Variants in HLCS observed in about 807,000 individuals in gnomAD.
HLCS encodes biotin--protein ligase.
HLCS carries 53 observed loss-of-function variants against 75.0 expected under a neutral mutation model. The ratio of observed to expected loss-of-function variants is 0.71; its 90% confidence interval spans 0.57 to 0.89. HLCS has a LOEUF of 0.89. Ranked by LOEUF, HLCS falls within the 40% of genes least tolerant of loss-of-function variation. The pLI is 0.00. For synonymous variants in HLCS, 431 were observed against 428.6 expected (o/e 1.01, Z -0.07); for missense variants, 966 against 1,074.0 (o/e 0.90, Z 1.41).
chr21:36,860,738 T>C (rs1017513533), intron 6 of HLCS, among the ~76,000 whole-genome samples: 1 of 152,238 alleles, frequency 6.6e-6, no homozygotes, highest in Non-Finnish European at 1.5e-5. Context: ...ACACGGCACA[T>C]CTGGTATGAT....
intron 5 of HLCS, among the ~76,000 whole-genome samples, chr21:36,924,909 A>C (rs2066333878): frequency 6.6e-6 from 1 of 152,156 alleles, no homozygotes; most frequent in South Asian, 2.1e-4. Context: ...ACGTCTGAAA[A>C]GCAGCTCCAT....
At chr21:36,789,442 T>C (rs2060792734) in intron 6 of HLCS, among the ~76,000 whole-genome samples, 1 of 152,228 alleles carries the variant, frequency 6.6e-6, no homozygotes, top group Non-Finnish European at 1.5e-5. Flanking sequence ...AGAATATGGC[T>C]TTGGGCTTGA....
At chr21:36,912,542 C>T (rs891762649) in intron 5 of HLCS, among the ~76,000 whole-genome samples, 7 of 151,508 alleles carry the variant, frequency 4.6e-5, no homozygotes, top group Admixed American at 1.3e-4. Flanking sequence ...ATTTAGGACG[C>T]TTAAAAAAAA....
chr21:36,897,157 T>G (rs1191269579), intron 5 of HLCS, 26 bp from the exon 6 acceptor site: 1 of 1,613,748 alleles, frequency 6.2e-7, no homozygotes, highest in South Asian at 1.1e-5. Context: ...AGAAATGAGA[T>G]GGTCGTAATT....
chr21:36,938,796 G>T, intron 3 of HLCS, 36 bp downstream of exon 3: 1 of 1,608,448 alleles, frequency 6.2e-7, no homozygotes, highest in Non-Finnish European at 8.5e-7. Context: ...GAGCCACTAT[G>T]CCTGGCCAAT....
rs746833675 is a variant in HLCS, at chr21:36,930,207, G to C, written c.1620+44C>G. Reference sequence around the variant, plus strand: ...AGCAACGGGTCGCCACTGTGAAGAGGGCCACGTCACAGCGCGCTCTGCCCA... The same window carrying C: ...AGCAACGGGTCGCCACTGTGAAGAGCGCCACGTCACAGCGCGCTCTGCCCA... On this transcript the variant is annotated intron_variant, in intron 5 of 10. Coordinates refer to ENST00000674895, the MANE Select transcript of HLCS (RefSeq NM_001352514.2). 23 of 1,553,304 alleles carry C rather than the reference G, an allele frequency of 1.5e-5. No homozygotes were observed. The East Asian group carries it at 4.7e-4, about 32-fold the overall frequency.
chr21:36,972,430 A>G (rs2068816489), intron 1 of HLCS, among the ~76,000 whole-genome samples: 1 of 152,144 alleles, frequency 6.6e-6, no homozygotes, highest in Non-Finnish European at 1.5e-5. Flanking sequence ...GATTACAGGC[A>G]TGTGTCGTGC....
chr21:36,857,882 C>T (rs770205996), intron 6 of HLCS, among the ~76,000 whole-genome samples: 32 of 152,054 alleles, frequency 2.1e-4, no homozygotes, highest in Non-Finnish European at 4.3e-4. Context: ...CTCTCCCTCC[C>T]AGGTTCAAGT....
At chr21:36,974,640 T>C (rs1162747365) in intron 1 of HLCS, 1 of 152,170 alleles carries the variant, frequency 6.6e-6, no homozygotes, top group Non-Finnish European at 1.5e-5. Context: ...AAAATAGTCA[T>C]TAAGGTGAAA....
chr21:36,790,431 C>A (rs1175565887), intron 6 of HLCS, among the ~76,000 whole-genome samples: 2 of 152,010 alleles, frequency 1.3e-5, no homozygotes, highest in Non-Finnish European at 2.9e-5. Context: ...AACAAAAAAA[C>A]ATTTTGGTGT....
chr21:36,922,684 C>T (rs887735766), intron 5 of HLCS, among the ~76,000 whole-genome samples: 3 of 152,150 alleles, frequency 2.0e-5, no homozygotes, highest in African/African-American at 4.8e-5. Context: ...CAGCATCGGC[C>T]GAGCTCCAGC....
intron 6 of HLCS, among the ~76,000 whole-genome samples, chr21:36,886,283 A>T (rs1459955325): frequency 6.6e-6 from 1 of 152,006 alleles, no homozygotes; most frequent in African/African-American, 2.4e-5. Context: ...TACAAAAAAA[A>T]TTAGCCGGGC....
At chr21:36,880,097 C>T (rs1388184930) in intron 6 of HLCS, among the ~76,000 whole-genome samples, 3 of 152,100 alleles carry the variant, frequency 2.0e-5, no homozygotes, top group African/African-American at 7.2e-5. Flanking sequence ...CAGTAGAAGT[C>T]AAATCCCTCA....
intron 2 of HLCS, among the ~76,000 whole-genome samples, chr21:36,944,704 T>C (rs1190570009): frequency 6.6e-6 from 1 of 152,208 alleles, no homozygotes; most frequent in African/African-American, 2.4e-5. Flanking sequence ...ATCCTGTTTT[T>C]GGGTCACCTC....
chr21:36,894,313 T>C (rs1448354976), intron 6 of HLCS, among the ~76,000 whole-genome samples: 4 of 152,332 alleles, frequency 2.6e-5, no homozygotes, highest in South Asian at 2.1e-4. Context: ...TTTATAGCAA[T>C]GCGAGAACGA....
chr21:36,855,374 T>TA (rs904147198), intron 6 of HLCS, among the ~76,000 whole-genome samples: 169 of 120,396 alleles, frequency 1.4e-3, no homozygotes, highest in Admixed American at 2.5e-3. Context: ...CTACTAAAAA[T>TA]AAAAAAAAAA....
At chr21:36,946,035 AG>A (rs1381004556) in intron 2 of HLCS, 1 of 815,394 alleles carries the variant, frequency 1.2e-6, no homozygotes, top group Non-Finnish European at 1.5e-6. Context: ...GAGCACTAAA[AG>A]GGATCATCCA....
Position 36,752,876 on chromosome 21 carries a change from G to A in HLCS, c.*1370C>T, listed in dbSNP as rs1181024455. The A allele has an allele frequency of 6.6e-6, 1 of 152,340 alleles. No individual in the cohort carries two copies. The highest frequency in any genetic ancestry group is 1.5e-5 in the Non-Finnish European group (1 of 68,036). 9.4% of individuals were successfully genotyped at this position (152,340 alleles called of 1,614,324 possible). Reference sequence around the variant, plus strand: ...AAAGATGGTGCTAGTTTACAATGAAGGGATTTTGTTCAAAGCTGAAAGCTC... The same window carrying A: ...AAAGATGGTGCTAGTTTACAATGAAAGGATTTTGTTCAAAGCTGAAAGCTC... On this transcript the variant is annotated 3_prime_UTR_variant, in exon 11 of 11. Transcript: ENST00000674895.
chr21:36,767,428 G>T, intron 6 of HLCS, 143 bp from the exon 7 acceptor site: 1 of 769,154 alleles, frequency 1.3e-6, no homozygotes, highest in Non-Finnish European at 2.3e-6. Context: ...TGGCCTTCAG[G>T]AATGTGGAGC....
Sources: allele counts gnomAD v4.1 joint callset (sites outside exome capture counted in the v4.1 genomes callset), GRCh38; gene constraint gnomAD v4.1.1; transcripts MANE v1.5; gene names NCBI Gene and HGNC (gene_info 2026-07-23, HGNC 2026-07-21).